AGAP1: variants seen among roughly 807,000 people sequenced by gnomAD.
AGAP1 encodes arf-GAP with GTPase, ANK repeat and PH domain-containing protein 1.
Under a neutral mutation model 105.3 loss-of-function variants are expected in AGAP1, and 29 were observed. The observed-to-expected ratio is 0.28, with a 90% confidence interval of 0.21 to 0.38. The LOEUF (loss-of-function observed/expected upper bound fraction) is 0.38, where lower values mean the gene tolerates loss of function less well. Among genes scored for constraint, AGAP1 ranks in the 10% least tolerant of loss-of-function variants. AGAP1 has a pLI of 1.00. For missense variants in AGAP1, 998 were observed against 1,165.1 expected, an observed-to-expected ratio of 0.86 and a Z score of 2.09; for synonymous variants, 509 against 485.9, an observed-to-expected ratio of 1.05 and a Z score of -0.63.
chr2:235,960,807 T>C lies in AGAP1; in HGVS notation c.1484-7655T>C, dbSNP rs2054149645. On this transcript the variant is annotated intron_variant, in intron 12 of 17. Coordinates refer to ENST00000304032, the MANE Select transcript of AGAP1 (RefSeq NM_001037131.3). This position sits in a 1 kb window ranked among gnomAD's most constrained non-coding sequence, Gnocchi z 4.9. ...TCAACAGGGAGATGCTTTCTCTGTG[T>C]CAATAGACTTCACTCATGGACTCAG... is the stretch of plus-strand genomic sequence containing the variant. Among the ~76,000 whole-genome samples the C allele has an allele frequency of 6.6e-6, 1 of 152,204 alleles. No homozygotes were observed. Among genetic ancestry groups the C allele is most frequent in the African/African-American group, 2.4e-5 (1 of 41,446 alleles).
chr2:235,699,069 T>TCCCCC (rs5839607), intron 1 of AGAP1, among the ~76,000 whole-genome samples: 1 of 140,390 alleles, frequency 7.1e-6, no homozygotes. Flanking sequence ...GCATCAGACA[T>TCCCCC]CCCCCCCCCC....
intron 13 of AGAP1, among the ~76,000 whole-genome samples, chr2:235,984,811 C>T (rs1419177009): frequency 2.0e-5 from 3 of 152,158 alleles, no homozygotes; most frequent in Admixed American, 2.0e-4. Flanking sequence ...CATAGTATTC[C>T]ATGGTGTATA....
chr2:235,590,972 C>T (rs1396937723), intron 1 of AGAP1, among the ~76,000 whole-genome samples: 3 of 151,676 alleles, frequency 2.0e-5, no homozygotes, highest in Admixed American at 6.6e-5. Flanking sequence ...CCGCCTGTCT[C>T]GGCCTCCCAA....
At chr2:235,730,211 A>T (rs754037650) in intron 3 of AGAP1, among the ~76,000 whole-genome samples, 1 of 152,156 alleles carries the variant, frequency 6.6e-6, no homozygotes, top group Non-Finnish European at 1.5e-5. Context: ...TTATGTTCAC[A>T]TAGGAAGCAC....
In AGAP1 at chr2:236,014,934, A is replaced by C; in HGVS notation, c.1646-21627A>C. The C allele has an allele frequency of 2.9e-6, 1 of 344,396 alleles. No homozygotes were observed. The allele number at this position is 344,396 out of a possible 1,614,324, so 21.3% of individuals were successfully genotyped here. The stretch of plus-strand genomic sequence containing the variant: ...ACCTCCACCTGCCTCTTCCCCTCTC[A>C]TCCCCTGCCCGCCCCTTCCTTTCCA... On this transcript the variant is annotated intron_variant, in intron 13 of 17. Coordinates refer to ENST00000304032, the MANE Select transcript of AGAP1 (RefSeq NM_001037131.3). The surrounding 1 kb of genome is among the most constrained non-coding windows in gnomAD (Gnocchi z 6.3).
chr2:236,102,542 C>T (rs907853984), intron 16 of AGAP1, among the ~76,000 whole-genome samples: 3 of 149,058 alleles, frequency 2.0e-5, no homozygotes, highest in South Asian at 2.1e-4. Context: ...GAGCTGAGAT[C>T]GCGTCATTGC....
intron 9 of AGAP1, among the ~76,000 whole-genome samples, chr2:235,838,297 G>T (rs1053159369): frequency 1.3e-5 from 2 of 152,128 alleles, no homozygotes; most frequent in Non-Finnish European, 2.9e-5. Context: ...TAAGTAAATG[G>T]CACTATTGAT....
chr2:236,075,684 T>G (rs1039667983), intron 16 of AGAP1, among the ~76,000 whole-genome samples: 18 of 152,184 alleles, frequency 1.2e-4, no homozygotes, highest in African/African-American at 4.3e-4. Context: ...TTTGAGGAGC[T>G]TATAGCCCCT....
At chr2:236,052,481 G>C (rs1340796972) in intron 16 of AGAP1, among the ~76,000 whole-genome samples, 1 of 152,178 alleles carries the variant, frequency 6.6e-6, no homozygotes, top group Non-Finnish European at 1.5e-5. Flanking sequence ...CTGCACCCCT[G>C]ATTAGGGCAG....
At position 235,690,820 on chromosome 2, in the gene AGAP1, C is replaced by G. The variant is rs1949700681; in HGVS notation, c.164-18359C>G. The stretch of plus-strand genomic sequence containing the variant: ...TTCTTCTTGATTTATTTATTTTTTT[C>G]TCCAGTCTAGTCATAGTATTGGTTT... On this transcript the variant is annotated intron_variant, in intron 1 of 17. Transcript: ENST00000304032. The surrounding 1 kb of genome is among the most constrained non-coding windows in gnomAD (Gnocchi z 4.1). 6.6e-6 allele frequency among the ~76,000 whole-genome samples: 1 copy of G among 152,050 alleles called. No homozygotes were observed. Among genetic ancestry groups the G allele is most frequent in the African/African-American group, 2.4e-5 (1 of 41,402 alleles).
Position 235,981,450 on chromosome 2 carries a change from T to TAC in AGAP1, c.1645+12850_1645+12851dup, listed in dbSNP as rs10639320. Among the ~76,000 whole-genome samples, 63,848 of 149,110 alleles carry TAC rather than the reference T, an allele frequency of 0.43. 14,957 individuals are homozygous for TAC. The highest frequency in any genetic ancestry group is 0.64 in the South Asian group (3,004 of 4,670). Reference sequence around the variant, plus strand: ...AATTTCTAAGTTCATGTTCCATGCGTACACACACACACACACACACACACG... The same window carrying TAC: ...AATTTCTAAGTTCATGTTCCATGCGTACACACACACACACACACACACACACG... On this transcript the variant is annotated intron_variant, in intron 13 of 17. Transcript: ENST00000304032. The surrounding 1 kb of genome is among the most constrained non-coding windows in gnomAD (Gnocchi z 5.5).
intron 1 of AGAP1, among the ~76,000 whole-genome samples, chr2:235,548,837 G>T (rs1190279537): frequency 6.6e-6 from 1 of 152,186 alleles, no homozygotes; most frequent in Non-Finnish European, 1.5e-5. Context: ...GGTGCTCTGG[G>T]ACGTGGGTTA....
At chr2:235,810,864 G>C (rs992288947) in intron 9 of AGAP1, among the ~76,000 whole-genome samples, 1 of 141,526 alleles carries the variant, frequency 7.1e-6, no homozygotes, top group African/African-American at 2.6e-5. Flanking sequence ...TACTAATAAG[G>C]TCTATTCGAG....
In AGAP1 at chr2:235,646,980, C is replaced by CA. The variant is rs367918020; in HGVS notation, c.164-62193dup. Among the ~76,000 whole-genome samples the CA allele has an allele frequency of 6.1e-3, 927 of 152,078 alleles. 11 individuals carry two copies. The highest frequency in any genetic ancestry group is 0.021 in the African/African-American group (873 of 41,492). On this transcript the variant is annotated intron_variant, in intron 1 of 17. Coordinates refer to ENST00000304032, the MANE Select transcript of AGAP1 (RefSeq NM_001037131.3). ...GAAACCCCGTCTCCACTAAAAAATA[C>CA]AAAAAATTAGCTGGGCGTGGTGGCA...
chr2:235,725,013 A>G lies in AGAP1; in HGVS notation c.310+7369A>G, dbSNP rs554677023. On this transcript the variant is annotated intron_variant, in intron 3 of 17. Transcript: ENST00000304032. The surrounding 1 kb of genome is among the most constrained non-coding windows in gnomAD (Gnocchi z 5.7). ...GGAGAAAGGACGTCTCGTTTCCAGCATGTCGGGGGTCAGGCTGTGCTGCAC... is the reference window on the plus strand; with the variant it reads ...GGAGAAAGGACGTCTCGTTTCCAGCGTGTCGGGGGTCAGGCTGTGCTGCAC... 2.1e-4 allele frequency among the ~76,000 whole-genome samples: 32 copies of G among 152,278 alleles called. No individual in the cohort carries two copies. In the South Asian group the frequency reaches 6.4e-3, roughly 31 times the overall value.
Position 235,994,672 on chromosome 2 carries a change from G to A in AGAP1, c.1645+26049G>A, listed in dbSNP as rs113192077. On this transcript the variant is annotated intron_variant, in intron 13 of 17. Transcript: ENST00000304032. This position sits in a 1 kb window ranked among gnomAD's most constrained non-coding sequence, Gnocchi z 4.4. The stretch of plus-strand genomic sequence containing the variant: ...GAGACGGGGCAGCAGTGGAGAGCTC[G>A]GCTCAAAGTGCGAAGTTGTTTAGAT... Among the ~76,000 whole-genome samples, 26 of 152,052 alleles carry A rather than the reference G, an allele frequency of 1.7e-4. No individual in the cohort carries two copies. Among genetic ancestry groups the A allele is most frequent in the African/African-American group, 5.8e-4 (24 of 41,474 alleles).
chr2:235,884,715 A>G (rs2050189151), intron 10 of AGAP1, among the ~76,000 whole-genome samples: 1 of 152,110 alleles, frequency 6.6e-6, no homozygotes, highest in Admixed American at 6.5e-5. Flanking sequence ...CGGCCTCCCA[A>G]AATGCTGGGA....
In AGAP1 at chr2:235,867,536, A is replaced by AGTGTGTGT. The variant is rs61257818; in HGVS notation, c.1051-15777_1051-15770dup. On this transcript the variant is annotated intron_variant, in intron 9 of 17. Coordinates refer to ENST00000304032, the MANE Select transcript of AGAP1 (RefSeq NM_001037131.3). The surrounding 1 kb of genome is among the most constrained non-coding windows in gnomAD (Gnocchi z 5.4). ...ATCATACACCTTATGCTGGTGCTGC[A>AGTGTGTGT]GTGTGTGTGTGTGTGTGTGTGTGTG... Among the ~76,000 whole-genome samples, 8,514 of 123,230 alleles carry AGTGTGTGT rather than the reference A, an allele frequency of 0.069. 418 individuals carry two copies. Among genetic ancestry groups the AGTGTGTGT allele is most frequent in the African/African-American group, 0.13 (4,506 of 35,068 alleles). 80.8% of individuals were successfully genotyped at this position (123,230 alleles called of 152,430 possible).
intron 12 of AGAP1, among the ~76,000 whole-genome samples, chr2:235,940,982 C>T (rs556560275): frequency 1.9e-3 from 284 of 152,282 alleles, no homozygotes; most frequent in African/African-American, 6.6e-3. Flanking sequence ...TGGTGTATTT[C>T]GTTCGATTTG....
Sources: allele counts gnomAD v4.1 joint callset (sites outside exome capture counted in the v4.1 genomes callset), GRCh38; gene constraint gnomAD v4.1.1; non-coding constraint Gnocchi (gnomAD v3.1); transcripts MANE v1.5; gene names NCBI Gene and HGNC (gene_info 2026-07-23, HGNC 2026-07-21).